Variants in MRC1 observed in about 807,000 individuals in gnomAD.
The protein encoded by MRC1 is mannose receptor C-type 1.
Under a neutral mutation model 102.9 loss-of-function variants are expected in MRC1, and 62 were observed. The ratio of observed to expected loss-of-function variants is 0.60; its 90% CI spans 0.49 to 0.74. The LOEUF is 0.74. Ranked by LOEUF, MRC1 falls within the 30% of genes least tolerant of loss-of-function variation. The pLI is 0.00. For missense variants in MRC1, 1,237 were observed against 862.8 expected (o/e 1.43, Z -5.43); for synonymous variants, 457 against 298.4 (o/e 1.53, Z -5.48).
Position 17,823,454 on chromosome 10 carries a change from C to G in MRC1, c.442C>G (p.Leu148Val). 1 of 780,876 alleles carries G rather than the reference C, an allele frequency of 1.3e-6. No homozygotes were observed. Among genetic ancestry groups the G allele is most frequent in the Non-Finnish European group, 2.4e-6 (1 of 417,958 alleles). The allele number at this position is 780,876 out of a possible 1,614,324, so 48.4% of individuals were successfully genotyped here. A position where few individuals can be genotyped will look rare whatever the true frequency, so the allele number is the denominator to read the frequency against. ...GAAGATCTATGGAACCACAGACAAT[C>G]TGTGCTCCAGAGGTTATGAAGGTAA... ...RWKIYGTTDN[L>V]CSRGYEAMYT... Residue 148 changes from leucine to valine, a missense_variant, in exon 2 of 30, where the codon CTG becomes GTG. Coordinates refer to ENST00000569591, the MANE Select transcript of MRC1 (RefSeq NM_002438.4).
chr10:17,907,249 T>C (rs1157757198), intron 27 of MRC1, among the ~76,000 whole-genome samples: 1 of 152,208 alleles, frequency 6.6e-6, no homozygotes, highest in African/African-American at 2.4e-5. Flanking sequence ...GCATTTTCTA[T>C]GTTTTCGTGG....
intron 1 of MRC1, among the ~76,000 whole-genome samples, chr10:17,813,329 A>G (rs1838253730): frequency 6.6e-6 from 1 of 152,190 alleles, no homozygotes; most frequent in Non-Finnish European, 1.5e-5. Flanking sequence ...CATCACGCTA[A>G]TGGTATAATC....
At chr10:17,815,258 G>A (rs1297215931) in intron 1 of MRC1, among the ~76,000 whole-genome samples, 1 of 152,126 alleles carries the variant, frequency 6.6e-6, no homozygotes, top group African/African-American at 2.4e-5. Context: ...AGCGAGCAGC[G>A]GAGTCTGTTA....
chr10:17,857,762 T>C (rs1314873369), intron 9 of MRC1, among the ~76,000 whole-genome samples: 1 of 152,202 alleles, frequency 6.6e-6, no homozygotes, highest in African/African-American at 2.4e-5. Flanking sequence ...GCCTGGGCTT[T>C]GGCATACAGT....
chr10:17,813,797 A>G (rs1021504416), intron 1 of MRC1, among the ~76,000 whole-genome samples: 12 of 151,122 alleles, frequency 7.9e-5, no homozygotes, highest in African/African-American at 2.9e-4. Context: ...TCCCGGGGTC[A>G]AGTGATTCTC....
intron 26 of MRC1, among the ~76,000 whole-genome samples, chr10:17,905,133 G>A (rs1833878964): frequency 6.6e-6 from 1 of 152,164 alleles, no homozygotes; most frequent in Non-Finnish European, 1.5e-5. Flanking sequence ...ATGGGGCTTG[G>A]AAAGAGCTCC....
At chr10:17,908,729 C>T (rs1833930163) in intron 28 of MRC1, among the ~76,000 whole-genome samples, 1 of 152,084 alleles carries the variant, frequency 6.6e-6, no homozygotes, top group African/African-American at 2.4e-5. Context: ...CCACTATGCC[C>T]AGCTAATTTT....
At chr10:17,810,722 A>G (rs1423014435) in intron 1 of MRC1, among the ~76,000 whole-genome samples, 1 of 152,236 alleles carries the variant, frequency 6.6e-6, no homozygotes, top group Non-Finnish European at 1.5e-5. Context: ...GTGCCTTATA[A>G]GTGTTAGCTA....
intron 8 of MRC1, among the ~76,000 whole-genome samples, chr10:17,853,515 A>G (rs1833019139): frequency 6.6e-6 from 1 of 152,094 alleles, no homozygotes; most frequent in Non-Finnish European, 1.5e-5. Context: ...GTATATATAA[A>G]AAGTTATTAT....
At chr10:17,867,893 G>A (rs971585468) in intron 12 of MRC1, among the ~76,000 whole-genome samples, 1 of 152,252 alleles carries the variant, frequency 6.6e-6, no homozygotes, top group African/African-American at 2.4e-5. Context: ...ATGTAACCCC[G>A]ATGATTATAA....
intron 1 of MRC1, among the ~76,000 whole-genome samples, chr10:17,811,988 G>C (rs926240466): frequency 6.6e-6 from 1 of 152,116 alleles, no homozygotes; most frequent in Admixed American, 6.6e-5. Flanking sequence ...TAAACTATGC[G>C]AAGCCCCAAC....
chr10:17,819,453 A>ATGTGTGTGTGTGTGTGTGTG (rs59778334), intron 1 of MRC1, among the ~76,000 whole-genome samples: 5 of 145,668 alleles, frequency 3.4e-5, no homozygotes, highest in African/African-American at 1.3e-4. Flanking sequence ...TCAGAGTTGT[A>ATGTGTGTGTGTGTGTGTGTG]TGTGTGTGTG....
intron 24 of MRC1, 69 bp downstream of exon 24, chr10:17,898,335 GT>G: frequency 1.3e-6 from 1 of 780,302 alleles, no homozygotes; most frequent in South Asian, 1.3e-5. Flanking sequence ...TTATCTTTCT[GT>G]TTGTTCTGTT....
intron 1 of MRC1, among the ~76,000 whole-genome samples, chr10:17,813,760 T>C (rs868996251): frequency 0.028 from 4,129 of 149,900 alleles, 220 homozygotes; most frequent in African/African-American, 0.096. Context: ...TGCAGTGGCA[T>C]GATCATTGCT....
At position 17,856,326 on chromosome 10, in the gene MRC1, G is replaced by A; in HGVS notation, c.1492G>A (p.Val498Met). Residue 498 changes from valine (V) to methionine (M), a missense_variant, in exon 9 of 30, where the codon GTG becomes ATG. By Grantham distance (21) the Val-to-Met change is conservative. Transcript: ENST00000569591. The stretch of plus-strand genomic sequence containing the variant: ...ATCACGAAGCCAAGGTCCAGAAATA[G>A]TGGAAGTCGAAAAAGGCTGCAGGAA... ...MKSRSQGPEI[V>M]EVEKGCRKGW... 1 of 858,480 alleles carries A rather than the reference G, an allele frequency of 1.2e-6. No homozygotes were observed. The highest frequency in any genetic ancestry group is 2.0e-6 in the Non-Finnish European group (1 of 494,690). 53.2% of individuals were successfully genotyped at this position (858,480 alleles called of 1,614,324 possible).
At chr10:17,900,149 G>C (rs1422008125) in intron 24 of MRC1, among the ~76,000 whole-genome samples, 1 of 147,400 alleles carries the variant, frequency 6.8e-6, no homozygotes, top group African/African-American at 2.5e-5. Flanking sequence ...AGACTAAAAT[G>C]ACTGGCTTTT....
At position 17,840,923 on chromosome 10, in the gene MRC1, A is replaced by G. The variant is rs563814820; in HGVS notation, c.916+117A>G. 3.3e-3 allele frequency: 2,517 copies of G among 759,084 alleles called. 49 individuals are homozygous for G. In the African/African-American group the frequency reaches 0.034, roughly 10 times the overall value. The allele number at this position is 759,084 out of a possible 1,614,324, so 47.0% of individuals were successfully genotyped here. A position where few individuals can be genotyped will look rare whatever the true frequency, so the allele number is the denominator to read the frequency against. On this transcript the variant is annotated intron_variant, in intron 5 of 29. Transcript: ENST00000569591. ...GAGAAGAATTGGGAGACTTCATCAA[A>G]TACAGTTCATTTCACCTTGTTTTGA...
Position 17,810,873 on chromosome 10 carries a change from A to G in MRC1, c.61+1347A>G, listed in dbSNP as rs1838209954. Among the ~76,000 whole-genome samples the G allele has an allele frequency of 3.3e-5, 5 of 152,226 alleles. No individual in the cohort carries two copies. In the South Asian group the frequency reaches 1.0e-3, roughly 32 times the overall value. ...AGTGGCATGATCTTGGCTCACTGCAACCTCTACTTCCTGGGTTCGAGTGAT... is the reference window on the plus strand; with the variant it reads ...AGTGGCATGATCTTGGCTCACTGCAGCCTCTACTTCCTGGGTTCGAGTGAT... On this transcript the variant is annotated intron_variant, in intron 1 of 29. Transcript: ENST00000569591.
At position 17,900,721 on chromosome 10, in the gene MRC1, A is replaced by G; in HGVS notation, c.3484-67A>G. 36 of 780,054 alleles carry G rather than the reference A, an allele frequency of 4.6e-5. 1 individual carries two copies. In the South Asian group the frequency reaches 4.8e-4, roughly 10 times the overall value. The allele number at this position is 780,054 out of a possible 1,614,324, so 48.3% of individuals were successfully genotyped here. A position where few individuals can be genotyped will look rare whatever the true frequency, so the allele number is the denominator to read the frequency against. ...TCTTAAATATACTTTGTATTCTTGAATTGGTTCTTTTAGTATTTTCTAAAT... is the reference window on the plus strand; with the variant it reads ...TCTTAAATATACTTTGTATTCTTGAGTTGGTTCTTTTAGTATTTTCTAAAT... On this transcript the variant is annotated intron_variant, in intron 24 of 29. Transcript: ENST00000569591.
Sources: allele counts gnomAD v4.1 joint callset (sites outside exome capture counted in the v4.1 genomes callset), GRCh38; gene constraint gnomAD v4.1.1; transcripts MANE v1.5; gene names NCBI Gene and HGNC (gene_info 2026-07-23, HGNC 2026-07-21).